Variants in RPL4 observed in about 807,000 individuals in gnomAD.
The protein encoded by RPL4 is ribosomal protein L4, also known as large ribosomal subunit protein uL4.
A neutral mutation model predicts 47.7 loss-of-function variants in RPL4; 3 were observed. The ratio of observed to expected loss-of-function variants is 0.06; its 90% confidence interval spans 0.03 to 0.16. The LOEUF (loss-of-function observed/expected upper bound fraction) is 0.16. Ranked by LOEUF, RPL4 falls within the 10% of genes least tolerant of loss-of-function variation. RPL4 has a pLI of 1.00. For missense variants in RPL4, 413 were observed against 551.3 expected (o/e 0.75, Z 2.51); for synonymous variants, 208 against 182.1 (o/e 1.14, Z -1.15).
At position 66,500,972 on chromosome 15, in the gene RPL4, G is replaced by A. The variant is rs73471768; in HGVS notation, c.810C>T (p.Ala270=). 1.7e-3 allele frequency: 2,698 copies of A among 1,613,872 alleles called. 41 individuals are homozygous for A. The African/African-American group carries it at 0.028, about 17-fold the overall frequency. The change falls in exon 7 of 10, where the codon GCC becomes GCT. Residue 270 remains alanine (A), a synonymous_variant. Coordinates refer to ENST00000307961, the MANE Select transcript of RPL4 (RefSeq NM_000968.4). ...LDELYGTWRK[A]ASLKSNYNLP... ...ACTTGTAGTTACTCTTGAGGGAAGC[G>A]GCTTTACGCCAAGTGCCGTACAATT...
At chr15:66,501,131 GAGCCTGTATTCCAACAAA>G in intron 6 of RPL4, 26 bp from the exon 7 acceptor site, 8 of 1,607,872 alleles carry the variant, frequency 5.0e-6, no homozygotes, top group Non-Finnish European at 6.8e-6. Context: ...AAAAATTAGG[GAGCCTGTATTCCAACAAA>G]AGAAACACAA....
intron 1 of RPL4, among the ~76,000 whole-genome samples, chr15:66,503,756 C>G (rs1283057754): frequency 6.6e-6 from 1 of 152,172 alleles, no homozygotes; most frequent in African/African-American, 2.4e-5. Context: ...ACTTTCAAAG[C>G]AAGCCTTATA....
At chr15:66,499,896 G>T in intron 9 of RPL4, 160 bp downstream of exon 9, 1 of 971,764 alleles carries the variant, frequency 1.0e-6, no homozygotes, top group Non-Finnish European at 1.5e-6. Flanking sequence ...GGTGGCGTGC[G>T]CCTGTAGTGC....
intron 1 of RPL4, 93 bp downstream of exon 1, chr15:66,504,695 C>A: frequency 6.4e-7 from 1 of 1,555,538 alleles, no homozygotes; most frequent in South Asian, 1.2e-5. Flanking sequence ...TCTCCTCGCT[C>A]TATCTCCTAC....
intron 1 of RPL4, among the ~76,000 whole-genome samples, chr15:66,504,075 A>G (rs1040642700): frequency 5.3e-5 from 8 of 152,198 alleles, no homozygotes; most frequent in Admixed American, 3.3e-4. Flanking sequence ...TTTCGGTCTC[A>G]GGACCACCCA....
chr15:66,499,621 G>A lies in RPL4; in HGVS notation c.1070C>T (p.Ala357Val). The A allele has an allele frequency of 1.2e-6, 2 of 1,613,966 alleles. No homozygotes were observed. The highest frequency in any genetic ancestry group is 8.5e-7 in the Non-Finnish European group (1 of 1,179,858). The change falls in exon 10 of 10, where the codon GCA becomes GTA. Residue 357 changes from alanine to valine, a missense_variant. Coordinates refer to ENST00000307961, the MANE Select transcript of RPL4 (RefSeq NM_000968.4). ...HKLRVDKAAA[A>V]AAALQAKSDE... ...TGATTTGGCTTGTAGTGCCGCTGCT[G>A]CAGCAGCTGCCTTATCCACCCGGAG...
Position 66,498,502 on chromosome 15 carries a change from A to T in RPL4, c.*905T>A, listed in dbSNP as rs555794461. 1 of 151,296 alleles carries T rather than the reference A, an allele frequency of 6.6e-6. No homozygotes were observed. The highest frequency in any genetic ancestry group is 2.4e-5 in the African/African-American group (1 of 41,252). The allele number at this position is 151,296 out of a possible 1,614,324, so 9.4% of individuals were successfully genotyped here. ...ATATTTGCAGTTTAGCTTTATGGGT[A>T]AAAAAAAACACCCTTATATCTGGAG... On this transcript the variant is annotated 3_prime_UTR_variant, in exon 10 of 10. Transcript: ENST00000307961.
At chr15:66,502,540 A>T (rs1468135700) in intron 4 of RPL4, 72 bp downstream of exon 4, 14 of 1,516,970 alleles carry the variant, frequency 9.2e-6, no homozygotes, top group Non-Finnish European at 1.2e-5. Context: ...TGTGAATAAA[A>T]ATCACCCTAA....
Position 66,503,157 on chromosome 15 carries a change from C to T in RPL4, c.183G>A (p.Gln61=). Residue 61 remains glutamine (Q), a synonymous_variant, in exon 3 of 10, where the codon CAG becomes CAA. Transcript: ENST00000307961. ...CAGTACCCCAAGACTCAGCACTAGT[C>T]TGATGACCTAAAATTGAGAAGAGAT... ...PYAVSELAGH[Q]TSAESWGTGR... is the part of the protein sequence containing the mutation. 5.0e-6 allele frequency: 8 copies of T among 1,613,920 alleles called. No individual in the cohort carries two copies. The highest frequency in any genetic ancestry group is 6.8e-6 in the Non-Finnish European group (8 of 1,179,882).
Position 66,499,566 on chromosome 15 carries a change from C to G in RPL4, c.1125G>C (p.Lys375Asn). ...TCTTTCCTTTCTTACCTACCACAGG[C>G]TTCTTGCCTGCAACCGCCGCCTTCT... is the stretch of plus-strand genomic sequence containing the variant. ...SDEKAAVAGK[K>N]PVVGKKGKKA... is the part of the protein sequence containing the mutation. The change falls in exon 10 of 10, where the codon AAG (lysine) becomes AAC (asparagine). Residue 375 changes from lysine to asparagine, a missense_variant. Coordinates refer to ENST00000307961, the MANE Select transcript of RPL4 (RefSeq NM_000968.4). 2 of 1,613,910 alleles carry G rather than the reference C, an allele frequency of 1.2e-6. No individual in the cohort carries two copies. Among genetic ancestry groups the G allele is most frequent in the Non-Finnish European group, 1.7e-6 (2 of 1,179,878 alleles).
intron 1 of RPL4, among the ~76,000 whole-genome samples, chr15:66,504,400 T>G (rs900783547): frequency 2.6e-5 from 4 of 152,178 alleles, no homozygotes; most frequent in South Asian, 2.1e-4. Flanking sequence ...TGGCTAAGGA[T>G]TCAAAGATTT....
chr15:66,501,528 T>G, intron 5 of RPL4, 24 bp from the exon 6 acceptor site: 1 of 1,613,484 alleles, frequency 6.2e-7, no homozygotes, highest in Non-Finnish European at 8.5e-7. Context: ...AGTTTTAGTA[T>G]TCTGATTAAG....
At chr15:66,499,822 G>T in intron 9 of RPL4, 170 bp from the exon 10 acceptor site, 1 of 976,232 alleles carries the variant, frequency 1.0e-6, no homozygotes, top group Non-Finnish European at 1.5e-6. Context: ...TCAGGAGTTT[G>T]AGACCAGCCT....
Position 66,502,634 on chromosome 15 carries a change from T to C in RPL4, c.399A>G (p.Leu133=), listed in dbSNP as rs751022840. ...AICSALAASA[L]PALVMSKGHR... The stretch of plus-strand genomic sequence containing the variant: ...AACCTTTAGACATGACCAGTGCTGG[T>C]AGGGCTGAGGCAGCCAGGGCAGAAC... The change falls in exon 4 of 10, where the codon CTA becomes CTG. Residue 133 remains leucine, a synonymous_variant. Coordinates refer to ENST00000307961, the MANE Select transcript of RPL4 (RefSeq NM_000968.4). The C allele has an allele frequency of 4.3e-6, 7 of 1,612,810 alleles. No individual in the cohort carries two copies. The highest frequency in any genetic ancestry group is 5.1e-6 in the Non-Finnish European group (6 of 1,179,868).
At position 66,500,167 on chromosome 15, in the gene RPL4, G is replaced by C. The variant is rs768472849; in HGVS notation, c.927C>G (p.Ile309Met). The change falls in exon 9 of 10, where the codon ATC becomes ATG. Residue 309 changes from isoleucine (I) to methionine (M), a missense_variant. Ile to Met is a conservative substitution (Grantham distance 10). Around this residue, in one of 4 missense-constraint regions of RPL4, gnomAD observed 214 missense variants for 304.2 expected, o/e 0.70. Transcript: ENST00000307961. The part of the protein sequence containing the change: ...QRALRAPRKK[I>M]HRRVLKKNPL... ...GGTTCTTCTTTAGGACTCTGCGATG[G>C]ATCTTCTTGCTATAAAAAAGCAGAT... 29 of 1,613,704 alleles carry C rather than the reference G, an allele frequency of 1.8e-5. No homozygotes were observed. In the South Asian group the frequency reaches 2.9e-4, roughly 16 times the overall value.
intron 3 of RPL4, 96 bp downstream of exon 3, chr15:66,502,962 G>C (rs1223319263): frequency 4.4e-6 from 6 of 1,360,636 alleles, no homozygotes; most frequent in Non-Finnish European, 6.3e-6. Flanking sequence ...ACAAAAAAAA[G>C]TAATATTTTT....
intron 1 of RPL4, among the ~76,000 whole-genome samples, 174 bp from the exon 2 acceptor site, chr15:66,503,703 C>T (rs1470426102): frequency 1.3e-5 from 2 of 152,196 alleles, no homozygotes; most frequent in Non-Finnish European, 2.9e-5. Context: ...ATCTCAACCT[C>T]TACTGCACAA....
At chr15:66,502,588 T>A in intron 4 of RPL4, 24 bp downstream of exon 4, 2 of 1,600,810 alleles carry the variant, frequency 1.2e-6, no homozygotes, top group Non-Finnish European at 1.7e-6. Context: ...TCTATCAAAC[T>A]CTCTTATATA....
rs543333807 is a variant in RPL4, at chr15:66,499,230, C to T, written c.*177G>A. 1.3e-5 allele frequency: 9 copies of T among 695,482 alleles called. No homozygotes were observed. The highest frequency in any genetic ancestry group is 2.2e-5 in the Non-Finnish European group (9 of 418,188). The allele number at this position is 695,482 out of a possible 1,614,324, so 43.1% of individuals were successfully genotyped here. On this transcript the variant is annotated 3_prime_UTR_variant, in exon 10 of 10. Transcript: ENST00000307961. ...AATCCATGCCCCATTTTATACCACACTATATAAAATGTAACAGTCTAAATT... is the reference window on the plus strand; with the variant it reads ...AATCCATGCCCCATTTTATACCACATTATATAAAATGTAACAGTCTAAATT...
Sources: gnomAD v4.1 joint callset for allele counts (sites outside exome capture counted in the v4.1 genomes callset) on GRCh38, gnomAD v4.1.1 for gene constraint, gnomAD v4.1.1 regional missense constraint, MANE v1.5 for transcripts, NCBI Gene and HGNC (gene_info 2026-07-23, HGNC 2026-07-21) for gene names.